The following TCF7L1 variants were observed in gnomAD, a reference collection of about 807,000 sequenced individuals.
TCF7L1 encodes the protein transcription factor 7-like 1.
Under a neutral mutation model 63.7 loss-of-function variants are expected in TCF7L1, and 18 were observed. That is an observed-to-expected ratio of 0.28 (90% CI 0.20 to 0.42). The LOEUF is 0.42. Ranked by LOEUF, TCF7L1 falls within the 10% of genes least tolerant of loss-of-function variation. The probability of loss-of-function intolerance (pLI) is 1.00; values close to 1 mark genes in which losing one functional copy is unlikely to be tolerated. For missense variants in TCF7L1, 654 were observed against 779.3 expected, an observed-to-expected ratio of 0.84 and a Z score of 1.91; for synonymous variants, 355 against 340.9, an observed-to-expected ratio of 1.04 and a Z score of -0.46.
intron 3 of TCF7L1, among the ~76,000 whole-genome samples, chr2:85,183,160 C>T (rs1158645031): frequency 3.9e-5 from 6 of 152,036 alleles, no homozygotes; most frequent in South Asian, 2.1e-4. Flanking sequence ...AGCACAGAGC[C>T]GGGTTTAACC....
At chr2:85,239,067 G>A (rs1680263488) in intron 3 of TCF7L1, among the ~76,000 whole-genome samples, 1 of 151,860 alleles carries the variant, frequency 6.6e-6, no homozygotes, top group Non-Finnish European at 1.5e-5. Context: ...GGGGTCCAGG[G>A]GTATGACTAA....
At chr2:85,217,800 G>A (rs1679743572) in intron 3 of TCF7L1, among the ~76,000 whole-genome samples, 3 of 152,182 alleles carry the variant, frequency 2.0e-5, no homozygotes, top group Non-Finnish European at 4.4e-5. Flanking sequence ...CTGAGCATCT[G>A]TAATTGGAAA....
At chr2:85,256,333 AG>A (rs912633058) in intron 3 of TCF7L1, among the ~76,000 whole-genome samples, 1 of 152,084 alleles carries the variant, frequency 6.6e-6, no homozygotes, top group African/African-American at 2.4e-5. Flanking sequence ...ATGGGGAGGG[AG>A]GAAGCTCAGC....
intron 3 of TCF7L1, among the ~76,000 whole-genome samples, chr2:85,201,866 G>A (rs1366782722): frequency 1.3e-5 from 2 of 152,098 alleles, no homozygotes; most frequent in Non-Finnish European, 1.5e-5. Context: ...ATGAAGTTGG[G>A]TACCCTTTAA....
At chr2:85,298,971 G>A (rs971656517) in intron 4 of TCF7L1, among the ~76,000 whole-genome samples, 7 of 151,824 alleles carry the variant, frequency 4.6e-5, no homozygotes, top group Admixed American at 6.6e-5. Context: ...AGTGGGAAAC[G>A]GTAAGAACTC....
intron 7 of TCF7L1, among the ~76,000 whole-genome samples, chr2:85,304,993 C>T (rs1682074155): frequency 6.6e-6 from 1 of 152,182 alleles, no homozygotes; most frequent in Non-Finnish European, 1.5e-5. Context: ...ATGCCCGGGC[C>T]TCTGACCCTC....
chr2:85,150,496 T>C (rs564243710), intron 3 of TCF7L1, among the ~76,000 whole-genome samples: 2 of 152,286 alleles, frequency 1.3e-5, no homozygotes, highest in South Asian at 4.1e-4. Context: ...CCTCCCAAAG[T>C]GCTGGTATTA....
At chr2:85,209,093 A>G (rs1467955392) in intron 3 of TCF7L1, among the ~76,000 whole-genome samples, 1 of 152,240 alleles carries the variant, frequency 6.6e-6, no homozygotes, top group Non-Finnish European at 1.5e-5. Flanking sequence ...CGAATGTTAC[A>G]TATCCAGTTC....
At chr2:85,276,292 C>G (rs1681267076) in intron 3 of TCF7L1, among the ~76,000 whole-genome samples, 1 of 152,204 alleles carries the variant, frequency 6.6e-6, no homozygotes, top group Non-Finnish European at 1.5e-5. Flanking sequence ...AAACAGGTCT[C>G]CAAGAACTGG....
intron 10 of TCF7L1, among the ~76,000 whole-genome samples, chr2:85,307,221 T>C: frequency 6.6e-6 from 1 of 152,162 alleles, no homozygotes; most frequent in Non-Finnish European, 1.5e-5. Context: ...GGCGTGTCTC[T>C]AAGCTCCCGG....
intron 3 of TCF7L1, among the ~76,000 whole-genome samples, chr2:85,261,928 G>A (rs866331838): frequency 6.6e-6 from 1 of 152,134 alleles, no homozygotes; most frequent in African/African-American, 2.4e-5. Context: ...TTGCCATCTT[G>A]TAATAACATA....
At chr2:85,262,271 A>G (rs1339440696) in intron 3 of TCF7L1, 7 of 553,302 alleles carry the variant, frequency 1.3e-5, no homozygotes, top group Non-Finnish European at 2.2e-5. Flanking sequence ...TGATGGGCGC[A>G]TCTTCACCTT....
chr2:85,215,770 G>A (rs926310589), intron 3 of TCF7L1, among the ~76,000 whole-genome samples: 4 of 140,076 alleles, frequency 2.9e-5, no homozygotes, highest in Admixed American at 2.1e-4. Flanking sequence ...GTGGGGGTGG[G>A]GGGGGGTGAG....
chr2:85,257,229 C>T (rs1434981093), intron 3 of TCF7L1, among the ~76,000 whole-genome samples: 2 of 151,838 alleles, frequency 1.3e-5, no homozygotes, highest in Admixed American at 6.6e-5. Context: ...TTCATTGAGC[C>T]GCACACGAGA....
intron 3 of TCF7L1, among the ~76,000 whole-genome samples, chr2:85,262,707 G>A (rs1033291588): frequency 5.9e-5 from 9 of 152,126 alleles, no homozygotes; most frequent in Middle Eastern, 3.2e-3. Context: ...GGGTCTCTCC[G>A]GAACTCTGAA....
intron 4 of TCF7L1, among the ~76,000 whole-genome samples, chr2:85,293,887 G>A (rs548904269): frequency 6.7e-4 from 102 of 152,174 alleles, no homozygotes; most frequent in African/African-American, 2.4e-3. Flanking sequence ...TTTAGACACT[G>A]GCAGCATCTT....
chr2:85,296,399 C>T (rs1468111856), intron 4 of TCF7L1, among the ~76,000 whole-genome samples: 1 of 152,196 alleles, frequency 6.6e-6, no homozygotes, highest in Non-Finnish European at 1.5e-5. Flanking sequence ...AATGTCACTG[C>T]ACTAAAGTTG....
intron 3 of TCF7L1, among the ~76,000 whole-genome samples, chr2:85,206,588 T>C (rs1008125966): frequency 2.6e-5 from 4 of 152,190 alleles, no homozygotes; most frequent in Non-Finnish European, 4.4e-5. Context: ...TGGCCGACAC[T>C]ATATTGAGAG....
chr2:85,176,044 A>G (rs1678671478), intron 3 of TCF7L1, among the ~76,000 whole-genome samples: 1 of 152,230 alleles, frequency 6.6e-6, no homozygotes, highest in African/African-American at 2.4e-5. Flanking sequence ...GTAGGAAGCC[A>G]TCTCCTCCTC....
Sources: allele counts gnomAD v4.1 joint callset (sites outside exome capture counted in the v4.1 genomes callset), GRCh38; gene constraint gnomAD v4.1.1; transcripts MANE v1.5; gene names NCBI Gene and HGNC (gene_info 2026-07-23, HGNC 2026-07-21).